The following SUGCT variants were observed in gnomAD, a reference collection of about 807,000 sequenced individuals.
The protein encoded by SUGCT is succinyl-CoA:glutarate-CoA transferase.
SUGCT carries 41 observed loss-of-function variants against 55.0 expected under a neutral mutation model. That is an observed-to-expected ratio of 0.74 (90% confidence interval 0.58 to 0.97). The LOEUF (loss-of-function observed/expected upper bound fraction) is 0.97. Ranked by LOEUF, SUGCT falls within the 50% of genes least tolerant of loss-of-function variation. The probability of loss-of-function intolerance (pLI) is 0.00; values close to 1 mark genes in which losing one functional copy is unlikely to be tolerated. For synonymous variants in SUGCT, 187 were observed against 200.4 expected (o/e 0.93, Z 0.56); for missense variants, 568 against 547.8 (o/e 1.04, Z -0.37).
chr7:40,575,116 T>TGGC (rs1554372656), intron 12 of SUGCT, among the ~76,000 whole-genome samples: 5 of 104,264 alleles, frequency 4.8e-5, no homozygotes, highest in African/African-American at 2.4e-4. Context: ...GGCAGGAGGG[T>TGGC]GGCGGGGGTG....
intron 12 of SUGCT, among the ~76,000 whole-genome samples, chr7:40,627,077 T>G (rs2151801755): frequency 6.6e-6 from 1 of 152,312 alleles, no homozygotes; most frequent in Non-Finnish European, 1.5e-5. Flanking sequence ...CCACTCCTAC[T>G]TTTGGTGAAG....
At chr7:40,484,193 G>C (rs1791206968) in intron 11 of SUGCT, among the ~76,000 whole-genome samples, 1 of 152,102 alleles carries the variant, frequency 6.6e-6, no homozygotes, top group Non-Finnish European at 1.5e-5. Flanking sequence ...TTCTATATAA[G>C]GCAGCAGTGT....
chr7:40,216,189 T>C (rs564275564), intron 6 of SUGCT, among the ~76,000 whole-genome samples: 1 of 151,632 alleles, frequency 6.6e-6, no homozygotes, highest in South Asian at 2.1e-4. Flanking sequence ...TTGGGGCAGA[T>C]TCACAAATAG....
chr7:40,450,765 C>A (rs1789145334), intron 10 of SUGCT, among the ~76,000 whole-genome samples: 1 of 144,966 alleles, frequency 6.9e-6, no homozygotes, highest in Non-Finnish European at 1.5e-5. Context: ...CAGAGGGAGA[C>A]TCTGTCTCAA....
chr7:40,933,809 C>T, the SUGCT span, among the ~76,000 whole-genome samples: 2 of 152,166 alleles, frequency 1.3e-5, no homozygotes, highest in East Asian at 3.9e-4. Context: ...CTTCTCTACA[C>T]TGTTTATTGT....
chr7:40,792,850 C>T (rs1481937506), intron 13 of SUGCT, among the ~76,000 whole-genome samples: 2 of 152,044 alleles, frequency 1.3e-5, no homozygotes, highest in Non-Finnish European at 2.9e-5. Flanking sequence ...TTGGAGTTCC[C>T]TTAGACAAGT....
intron 7 of SUGCT, among the ~76,000 whole-genome samples, chr7:40,269,365 C>G (rs1791847829): frequency 6.6e-6 from 1 of 151,804 alleles, no homozygotes; most frequent in Non-Finnish European, 1.5e-5. Flanking sequence ...CTCTGTTACC[C>G]AGGCTAGAGT....
chr7:40,169,593 G>A (rs144314792), intron 1 of SUGCT, among the ~76,000 whole-genome samples: 1 of 152,166 alleles, frequency 6.6e-6, no homozygotes, highest in African/African-American at 2.4e-5. Context: ...CGAAGGGGAG[G>A]CTTATTTCTA....
intron 7 of SUGCT, among the ~76,000 whole-genome samples, chr7:40,246,001 AT>A: frequency 6.6e-6 from 1 of 151,968 alleles, no homozygotes; most frequent in East Asian, 1.9e-4. Context: ...CGCTCAGCTA[AT>A]TTTTGTAGTT....
chr7:40,739,943 A>C (rs1584366527), intron 12 of SUGCT, among the ~76,000 whole-genome samples: 1 of 152,138 alleles, frequency 6.6e-6, no homozygotes, highest in South Asian at 2.1e-4. Flanking sequence ...AAAAGTTTAC[A>C]AAAAAGCTTT....
chr7:40,935,874 G>T, the SUGCT span, among the ~76,000 whole-genome samples: 3 of 152,220 alleles, frequency 2.0e-5, no homozygotes, highest in South Asian at 2.1e-4. Context: ...AGTTTATATG[G>T]TTTCCAACTT....
At chr7:40,637,404 A>G (rs1310161794) in intron 12 of SUGCT, among the ~76,000 whole-genome samples, 2 of 152,250 alleles carry the variant, frequency 1.3e-5, no homozygotes, top group East Asian at 3.8e-4. Context: ...AAGGAGAGGT[A>G]TGGCTGAGGC....
At chr7:40,480,555 C>T (rs541234360) in intron 11 of SUGCT, among the ~76,000 whole-genome samples, 2 of 152,022 alleles carry the variant, frequency 1.3e-5, no homozygotes, top group Middle Eastern at 3.4e-3. Flanking sequence ...GTAAAGAATG[C>T]CGTTGACATT....
intron 9 of SUGCT, among the ~76,000 whole-genome samples, chr7:40,368,687 A>T (rs187838945): frequency 1.4e-4 from 22 of 152,336 alleles, no homozygotes; most frequent in African/African-American, 5.1e-4. Context: ...ACTAGGCATG[A>T]AACCTCATGA....
chr7:40,138,789 G>A (rs1787827984), intron 1 of SUGCT, among the ~76,000 whole-genome samples: 2 of 152,082 alleles, frequency 1.3e-5, no homozygotes, highest in Non-Finnish European at 1.5e-5. Flanking sequence ...ACTCATGGCA[G>A]TACACAGAAA....
intron 2 of SUGCT, 63 bp downstream of exon 2, chr7:40,181,061 T>G: frequency 8.3e-6 from 10 of 1,200,064 alleles, no homozygotes; most frequent in South Asian, 5.2e-5. Flanking sequence ...AAACTTTTAA[T>G]TTTTTGAATT....
chr7:40,323,385 G>T (rs1795850610), intron 9 of SUGCT, among the ~76,000 whole-genome samples: 6 of 152,046 alleles, frequency 3.9e-5, no homozygotes. Context: ...TCAGTTTCCA[G>T]ATCTAAAATG....
At chr7:40,675,028 A>G (rs893391055) in intron 12 of SUGCT, among the ~76,000 whole-genome samples, 3 of 151,582 alleles carry the variant, frequency 2.0e-5, no homozygotes, top group Non-Finnish European at 4.4e-5. Context: ...CTGTTAGATA[A>G]TTATATGTAA....
At chr7:40,858,403 C>CAAAAAA (rs58628576) in intron 13 of SUGCT, among the ~76,000 whole-genome samples, 81 of 34,738 alleles carry the variant, frequency 2.3e-3, no homozygotes, top group South Asian at 9.7e-3. Flanking sequence ...AATTCCATCT[C>CAAAAAA]AAAAAAAAAA....
Sources: allele counts gnomAD v4.1 joint callset (sites outside exome capture counted in the v4.1 genomes callset), GRCh38; gene constraint gnomAD v4.1.1; transcripts MANE v1.5; gene names NCBI Gene and HGNC (gene_info 2026-07-23, HGNC 2026-07-21).